Variants in EPHX4 observed in about 807,000 individuals in gnomAD.
EPHX4 encodes epoxide hydrolase 4, also known as abhydrolase domain containing 7.
Under a neutral mutation model 44.9 loss-of-function variants are expected in EPHX4, and 31 were observed. The observed-to-expected ratio is 0.69, with a 90% CI of 0.52 to 0.93. The LOEUF (loss-of-function observed/expected upper bound fraction) is 0.93, where lower values mean the gene tolerates loss of function less well. Ranked by LOEUF, EPHX4 falls within the 40% of genes least tolerant of loss-of-function variation. The pLI, the probability that EPHX4 is intolerant of heterozygous loss-of-function variation, is 0.00. For synonymous variants in EPHX4, 151 were observed against 159.7 expected, an observed-to-expected ratio of 0.95 and a Z score of 0.41; for missense variants, 373 against 438.1, an observed-to-expected ratio of 0.85 and a Z score of 1.33.
intron 4 of EPHX4, among the ~76,000 whole-genome samples, chr1:92,047,325 C>T (rs1312059193): frequency 6.6e-6 from 1 of 151,606 alleles, no homozygotes; most frequent in Non-Finnish European, 1.5e-5. Flanking sequence ...AGGAAGATCA[C>T]TTAAGCTCAG....
rs1168157314 is a variant in EPHX4, at chr1:92,045,665, G to A, written c.604+5G>A. ...CTCATCCAAATGTATTTACAGGTGA[G>A]TTCAAGTTTTTATCAAAACAGTTCT... is the stretch of plus-strand genomic sequence containing the variant. On this transcript the variant is annotated splice_donor_5th_base_variant and intron_variant, in intron 4 of 6. Coordinates refer to ENST00000370383, the MANE Select transcript of EPHX4 (RefSeq NM_173567.5). The A allele has an allele frequency of 1.2e-6, 2 of 1,613,692 alleles. No individual in the cohort carries two copies. The highest frequency in any genetic ancestry group is 2.2e-5 in the East Asian group (1 of 44,842).
intron 4 of EPHX4, among the ~76,000 whole-genome samples, chr1:92,049,810 G>A (rs556260668): frequency 1.4e-4 from 22 of 152,162 alleles, no homozygotes; most frequent in African/African-American, 5.3e-4. Context: ...TATTTAAAGT[G>A]GTATAAGACC....
At chr1:92,052,403 A>T in intron 5 of EPHX4, 107 bp from the exon 6 acceptor site, 1 of 1,019,870 alleles carries the variant, frequency 9.8e-7, no homozygotes, top group Non-Finnish European at 1.4e-6. Context: ...AGCAGAAATT[A>T]GGAGTTGTCA....
chr1:92,035,663 T>C (rs1688427415), intron 2 of EPHX4, among the ~76,000 whole-genome samples: 1 of 152,200 alleles, frequency 6.6e-6, no homozygotes, highest in Non-Finnish European at 1.5e-5. Context: ...TGCAGGTTTG[T>C]TACATGGTAA....
At chr1:92,062,161 C>A (rs1647510975) in intron 6 of EPHX4, among the ~76,000 whole-genome samples, 1 of 152,156 alleles carries the variant, frequency 6.6e-6, no homozygotes, top group African/African-American at 2.4e-5. Flanking sequence ...TTTGAGTTTT[C>A]ATCTCCAATT....
At chr1:92,043,413 C>A (rs1421020321) in intron 3 of EPHX4, 3 of 149,664 alleles carry the variant, frequency 2.0e-5, no homozygotes, top group African/African-American at 5.0e-5. Context: ...TAAGATCGTG[C>A]CGTTGCACTC....
chr1:92,055,987 CAGAGAG>C (rs150445133), intron 6 of EPHX4, among the ~76,000 whole-genome samples: 9 of 147,476 alleles, frequency 6.1e-5, no homozygotes, highest in African/African-American at 1.7e-4. Flanking sequence ...TGTTAATTAG[CAGAGAG>C]AGAGAGAGAG....
At chr1:92,030,485 T>TGTGTGTGTGTGTGA (rs1326928763) in intron 1 of EPHX4, among the ~76,000 whole-genome samples, 175 bp downstream of exon 1, 33 of 138,712 alleles carry the variant, frequency 2.4e-4, no homozygotes, top group African/African-American at 6.9e-4. Flanking sequence ...TGTGTGTGTG[T>TGTGTGTGTGTGTGA]GAGAGAGAGA....
chr1:92,041,727 A>G (rs940014349), intron 2 of EPHX4, among the ~76,000 whole-genome samples: 2 of 152,196 alleles, frequency 1.3e-5, no homozygotes, highest in African/African-American at 2.4e-5. Context: ...TATACACACC[A>G]TTTAAGAAAA....
chr1:92,056,645 CTTT>C (rs769254066), intron 6 of EPHX4, among the ~76,000 whole-genome samples: 2 of 138,060 alleles, frequency 1.4e-5, no homozygotes, highest in Non-Finnish European at 1.6e-5. Context: ...ACATTCTTTT[CTTT>C]TTTTTTTTTT....
chr1:92,060,127 T>A (rs1408974482), intron 6 of EPHX4, among the ~76,000 whole-genome samples: 1 of 152,048 alleles, frequency 6.6e-6, no homozygotes, highest in Non-Finnish European at 1.5e-5. Context: ...ATAAGGTTAT[T>A]GGGGCCAGGT....
intron 2 of EPHX4, among the ~76,000 whole-genome samples, chr1:92,034,299 CAAA>C (rs765695521): frequency 1.1e-4 from 6 of 52,738 alleles, no homozygotes; most frequent in Non-Finnish European, 2.0e-4. Context: ...GATTCCGTCT[CAAA>C]AAAAAAAAAA....
At chr1:92,055,702 C>T (rs1404769199) in intron 6 of EPHX4, among the ~76,000 whole-genome samples, 1 of 151,438 alleles carries the variant, frequency 6.6e-6, no homozygotes, top group African/African-American at 2.4e-5. Context: ...TTACAAATAA[C>T]GTAAAGAGAA....
chr1:92,039,237 A>G (rs1312184411), intron 2 of EPHX4, among the ~76,000 whole-genome samples: 1 of 152,210 alleles, frequency 6.6e-6, no homozygotes, highest in African/African-American at 2.4e-5. Flanking sequence ...TCAGCAACGA[A>G]ATGACATGAG....
rs200511100 is a variant in EPHX4, at chr1:92,045,658, C to A, written c.602C>A (p.Thr201Lys). 6.2e-7 allele frequency: 1 copy of A among 1,613,674 alleles called. No homozygotes were observed. Among genetic ancestry groups the A allele is most frequent in the Non-Finnish European group, 8.5e-7 (1 of 1,179,872 alleles). The change falls in exon 4 of 7, where the codon ACA (threonine) becomes AAA (lysine). Residue 201 changes from threonine (T) to lysine (K), a missense_variant and splice_region_variant. Physicochemically the swap from Thr to Lys is moderately conservative, Grantham distance 78. Coordinates refer to ENST00000370383, the MANE Select transcript of EPHX4 (RefSeq NM_173567.5). The stretch of plus-strand genomic sequence containing the variant: ...AACTTCCCTCATCCAAATGTATTTA[C>A]AGGTGAGTTCAAGTTTTTATCAAAA... ...VINFPHPNVF[T>K]EYILRHPAQL...
At chr1:92,035,828 T>C (rs1449806356) in intron 2 of EPHX4, among the ~76,000 whole-genome samples, 2 of 152,164 alleles carry the variant, frequency 1.3e-5, no homozygotes, top group Non-Finnish European at 2.9e-5. Context: ...CTTTTGTAAG[T>C]GACTTATATA....
rs780581886 is a variant in EPHX4, at chr1:92,032,499, T to C, written c.232-6T>C. 6.2e-7 allele frequency: 1 copy of C among 1,612,344 alleles called. No homozygotes were observed. The stretch of plus-strand genomic sequence containing the variant: ...ATCACTAAAATTCCATGCCCTCTAC[T>C]TTCAGGATTCAGGGTTAAGATTTCA... On this transcript the variant is annotated splice_polypyrimidine_tract_variant and splice_region_variant and intron_variant, in intron 1 of 6. Coordinates refer to ENST00000370383, the MANE Select transcript of EPHX4 (RefSeq NM_173567.5).
At chr1:92,062,125 T>C (rs1421676360) in intron 6 of EPHX4, among the ~76,000 whole-genome samples, 1 of 152,220 alleles carries the variant, frequency 6.6e-6, no homozygotes. Context: ...TATCATGTAA[T>C]ATTAAAGCTC....
Position 92,030,139 on chromosome 1 carries a change from C to G in EPHX4, c.60C>G (p.Phe20Leu). Residue 20 changes from phenylalanine to leucine, a missense_variant, in exon 1 of 7, where the codon TTC becomes TTG. Transcript: ENST00000370383. ...TGCTCACGCTCCGGTCCCTGCTCTT[C>G]TGGTCCCTGGTCTACTGCTACTGCG... ...RLMLTLRSLL[F>L]WSLVYCYCGL... The G allele has an allele frequency of 6.2e-7, 1 of 1,612,696 alleles. No homozygotes were observed.
Sources: gnomAD v4.1 joint callset for allele counts (sites outside exome capture counted in the v4.1 genomes callset) on GRCh38, gnomAD v4.1.1 for gene constraint, MANE v1.5 for transcripts, NCBI Gene and HGNC (gene_info 2026-07-23, HGNC 2026-07-21) for gene names.